The following TENT5D variants were observed in gnomAD, a reference collection of about 807,000 sequenced individuals.
TENT5D encodes the protein cancer/testis antigen 112.
For synonymous variants in TENT5D, 103 were observed against 100.6 expected (o/e 1.02, Z -0.15); for missense variants, 191 against 287.0 (o/e 0.67, Z 2.42).
Position 80,346,554 on chromosome X carries a change from C to CA in TENT5D, c.-142+3991dup, listed in dbSNP as rs1209237715. On this transcript the variant is annotated intron_variant, in intron 3 of 4. Transcript: ENST00000538312. ...TTCTTATAGGTATGTGCTTGTATCTCATCATGTTTTTTATTTGCATTTATC... is the reference window on the plus strand; with the variant it reads ...TTCTTATAGGTATGTGCTTGTATCTCAATCATGTTTTTTATTTGCATTTATC... 9.8e-5 allele frequency among the ~76,000 whole-genome samples: 11 copies of CA among 111,942 alleles called. No individual in the cohort carries two copies. The Middle Eastern group carries it at 0.019, about 188-fold the overall frequency.
chrX:80,355,237 GC>G (rs759995375), intron 3 of TENT5D, among the ~76,000 whole-genome samples: 1 of 111,832 alleles, frequency 8.9e-6, no homozygotes, highest in Non-Finnish European at 1.9e-5. Context: ...GGCTTTGCTG[GC>G]AAAAGAGCTG....
At chrX:80,388,638 C>T (rs1372655358) in intron 3 of TENT5D, among the ~76,000 whole-genome samples, 1 of 111,783 alleles carries the variant, frequency 8.9e-6, no homozygotes, top group African/African-American at 3.3e-5. Context: ...TCTATTTATT[C>T]TCCCCTCTCC....
rs1364578837 is a variant in TENT5D at position 80,397,995 on chromosome X, G to A, written c.-141-40615G>A. Among the ~76,000 whole-genome samples the A allele has an allele frequency of 3.3e-4, 37 of 111,515 alleles. No homozygotes were observed. The Admixed American group carries it at 3.5e-3, about 10-fold the overall frequency. ...AGGGAGAGGGAGAGGGAGCTATACT[G>A]TTTTTCATAATGGCTGTACTAGTTT... On this transcript the variant is annotated intron_variant, in intron 3 of 4. Coordinates refer to the TENT5D transcript ENST00000538312.
chrX:80,402,962 A>G (rs1931416205), intron 3 of TENT5D, among the ~76,000 whole-genome samples: 1 of 111,766 alleles, frequency 8.9e-6, no homozygotes, highest in South Asian at 3.7e-4. Flanking sequence ...TGATCTTTCC[A>G]TGATTGAAAG....
intron 1 of TENT5D, among the ~76,000 whole-genome samples, chrX:80,436,844 T>C (rs1932193203): frequency 8.9e-6 from 1 of 112,002 alleles, no homozygotes; most frequent in African/African-American, 3.2e-5. Flanking sequence ...ATTAGCTTTC[T>C]CTATAATTAG....
exon 3 of TENT5D, chrX:80,443,505 C>G (rs775192593): frequency 8.3e-7 from 1 of 1,210,757 alleles, no homozygotes; most frequent in Non-Finnish European, 1.1e-6. Flanking sequence ...GACAGATTCT[C>G]CACCTGATCA....
At chrX:80,342,321 A>G (rs1435299320) in intron 2 of TENT5D, among the ~76,000 whole-genome samples, 2 of 111,084 alleles carry the variant, frequency 1.8e-5, no homozygotes, top group African/African-American at 6.6e-5. Flanking sequence ...AAACCATACA[A>G]TTTTGTTTCA....
chrX:80,349,355 A>G (rs1473271848), intron 3 of TENT5D, among the ~76,000 whole-genome samples: 2 of 111,567 alleles, frequency 1.8e-5, no homozygotes, highest in Admixed American at 9.5e-5. Flanking sequence ...TGGTCTATTC[A>G]GGGATTCGAC....
At chrX:80,370,100 T>A (rs893276111) in intron 3 of TENT5D, among the ~76,000 whole-genome samples, 9 of 108,888 alleles carry the variant, frequency 8.3e-5, no homozygotes, top group South Asian at 4.0e-4. Flanking sequence ...GTTTTTTTTT[T>A]AATTTTTTAA....
intron 3 of TENT5D, among the ~76,000 whole-genome samples, chrX:80,376,691 G>A (rs2147528952): frequency 9.0e-6 from 1 of 111,127 alleles, no homozygotes; most frequent in South Asian, 3.7e-4. Context: ...TATATTCAAG[G>A]AATAAAATTT....
intron 1 of TENT5D, among the ~76,000 whole-genome samples, chrX:80,432,680 G>A (rs1932109846): frequency 9.0e-6 from 1 of 111,518 alleles, no homozygotes; most frequent in African/African-American, 3.3e-5. Flanking sequence ...GTATCTCATT[G>A]TCTGAGATAG....
upstream of TENT5D, among the ~76,000 whole-genome samples, chrX:80,419,962 G>T (rs2147558985): frequency 8.9e-6 from 1 of 111,847 alleles, no homozygotes; most frequent in East Asian, 2.8e-4. Flanking sequence ...TAATCCTCCA[G>T]CCTCAGCCTT....
chrX:80,416,237 C>T (rs1315897360), upstream of TENT5D, among the ~76,000 whole-genome samples: 4 of 102,780 alleles, frequency 3.9e-5, no homozygotes, highest in African/African-American at 1.4e-4. Flanking sequence ...AAAGAACCAA[C>T]TCCTGGCTTC....
At chrX:80,374,221 A>G (rs747519062) in intron 3 of TENT5D, among the ~76,000 whole-genome samples, 5 of 111,212 alleles carry the variant, frequency 4.5e-5, no homozygotes, top group Non-Finnish European at 9.4e-5. Context: ...TATACACCAC[A>G]TTTTCTTTAT....
chrX:80,375,477 A>G (rs1930708186), intron 3 of TENT5D, among the ~76,000 whole-genome samples: 1 of 111,667 alleles, frequency 9.0e-6, no homozygotes, highest in South Asian at 3.7e-4. Flanking sequence ...TATTGAAGAC[A>G]TGATAACTTT....
chrX:80,439,980 G>A (rs747954720), intron 2 of TENT5D, among the ~76,000 whole-genome samples: 2 of 110,684 alleles, frequency 1.8e-5, no homozygotes, highest in East Asian at 5.7e-4. Context: ...AGCTTTCATA[G>A]TTATGGCTAG....
At chrX:80,443,652 C>G (rs1355783780) in exon 3 of TENT5D, 4 of 1,206,549 alleles carry the variant, frequency 3.3e-6, no homozygotes, top group Non-Finnish European at 4.5e-6. Flanking sequence ...AGCCACCCCC[C>G]GTTAGCTTCC....
intron 3 of TENT5D, among the ~76,000 whole-genome samples, chrX:80,409,112 G>A (rs1931573762): frequency 9.2e-6 from 1 of 108,795 alleles, no homozygotes; most frequent in African/African-American, 3.3e-5. Flanking sequence ...AATAATAAGA[G>A]CTATCTATGA....
At chrX:80,384,678 A>G (rs1930953242) in intron 3 of TENT5D, among the ~76,000 whole-genome samples, 1 of 103,095 alleles carries the variant, frequency 9.7e-6, no homozygotes, top group Non-Finnish European at 2.0e-5. Context: ...AGAAAACCCC[A>G]TTGTCTCAGC....
Sources: allele counts gnomAD v4.1 joint callset (sites outside exome capture counted in the v4.1 genomes callset), GRCh38; gene constraint gnomAD v4.1.1; transcripts MANE v1.5; gene names NCBI Gene and HGNC (gene_info 2026-07-23, HGNC 2026-07-21).